The following PSD3 variants were observed in gnomAD, a reference collection of about 807,000 sequenced individuals.
PSD3 encodes pleckstrin and Sec7 domain containing 3, also known as PH and SEC7 domain-containing protein 3.
PSD3 carries 49 observed loss-of-function variants against 105.5 expected under a neutral mutation model. That is an observed-to-expected ratio of 0.46 (90% CI 0.37 to 0.59). PSD3 has a LOEUF of 0.59. Among genes scored for constraint, PSD3 ranks in the 20% least tolerant of loss-of-function variants. PSD3 has a pLI of 0.00. For missense variants in PSD3, 1,561 were observed against 1,263.8 expected, an observed-to-expected ratio of 1.24 and a Z score of -3.57; for synonymous variants, 557 against 457.8, an observed-to-expected ratio of 1.22 and a Z score of -2.77.
rs924513446 is a variant in PSD3, at chr8:18,636,728, T to C, written c.2217-3922A>G. ...TTACTGTTTGTTTTCTGTTTAGATA[T>C]ACAAATACCATTGTGTTACTACTGC... On this transcript the variant is annotated intron_variant, in intron 10 of 15. Transcript: ENST00000327040. Among the ~76,000 whole-genome samples the C allele has an allele frequency of 2.0e-5, 3 of 152,250 alleles. No individual in the cohort carries two copies. In the East Asian group the frequency reaches 5.8e-4, roughly 29 times the overall value.
chr8:18,723,591 AC>A (rs1803146439), intron 9 of PSD3, among the ~76,000 whole-genome samples: 1 of 152,154 alleles, frequency 6.6e-6, no homozygotes, highest in African/African-American at 2.4e-5. Flanking sequence ...GGGGAAAAAA[AC>A]CCTGTTCCTT....
Position 18,899,451 on chromosome 8 carries a change from G to A in PSD3, c.131-26718C>T, listed in dbSNP as rs546407354. 2.6e-5 allele frequency among the ~76,000 whole-genome samples: 4 copies of A among 152,250 alleles called. 1 individual carries two copies. The highest frequency in any genetic ancestry group is 6.8e-3 in the Middle Eastern group (2 of 294). Reference sequence around the variant, plus strand: ...CTTTAACAATGGAATCTTCAACGATGCAATCTTCCAGACTTTCATGATGTT... The same window carrying A: ...CTTTAACAATGGAATCTTCAACGATACAATCTTCCAGACTTTCATGATGTT... On this transcript the variant is annotated intron_variant, in intron 2 of 15. Transcript: ENST00000327040.
chr8:19,033,566 T>G lies in PSD3; in HGVS notation c.324+50640A>C, dbSNP rs375587997. 7.4e-5 allele frequency among the ~76,000 whole-genome samples: 6 copies of G among 81,464 alleles called. No homozygotes were observed. In the East Asian group the frequency reaches 2.8e-3, roughly 38 times the overall value. The allele number at this position is 81,464 out of a possible 152,430, so 53.4% of individuals were successfully genotyped here. A position where few individuals can be genotyped will look rare whatever the true frequency, so the allele number is the denominator to read the frequency against. Reference sequence around the variant, plus strand: ...TTTTTTTTTCTTTTTTTAAAATCTGTTTTTTTTTCTTTCCTTGTACCATTT... The same window carrying G: ...TTTTTTTTTCTTTTTTTAAAATCTGGTTTTTTTTCTTTCCTTGTACCATTT... On this transcript the variant is annotated intron_variant, in intron 1 of 1. Coordinates refer to the PSD3 transcript ENST00000521475.
intron 15 of PSD3, among the ~76,000 whole-genome samples, chr8:18,549,371 G>A (rs778993620): frequency 6.6e-6 from 1 of 151,902 alleles, no homozygotes; most frequent in Admixed American, 6.6e-5. Flanking sequence ...AACAGAGATG[G>A]GGTTTCTTTG....
intron 1 of PSD3, among the ~76,000 whole-genome samples, chr8:18,944,841 T>C (rs1822762109): frequency 6.6e-6 from 1 of 152,214 alleles, no homozygotes; most frequent in South Asian, 2.1e-4. Context: ...CTGTGTCTTT[T>C]GACCTGTCCC....
chr8:18,897,665 C>T (rs1819240181), intron 2 of PSD3, among the ~76,000 whole-genome samples: 1 of 152,182 alleles, frequency 6.6e-6, no homozygotes, highest in Non-Finnish European at 1.5e-5. Context: ...TTGCATATGC[C>T]TGCTGCAATT....
intron 1 of PSD3, among the ~76,000 whole-genome samples, chr8:19,037,513 G>C (rs892337654): frequency 2.0e-5 from 3 of 152,202 alleles, no homozygotes; most frequent in African/African-American, 7.2e-5. Context: ...AATTATTTCT[G>C]GGTGTCTGTG....
intron 9 of PSD3, among the ~76,000 whole-genome samples, chr8:18,697,788 T>C (rs1801341100): frequency 6.6e-6 from 1 of 152,192 alleles, no homozygotes; most frequent in Admixed American, 6.5e-5. Flanking sequence ...CTCCAGTTCC[T>C]TCTGGCATCA....
chr8:18,672,024 C>G (rs1484605950), intron 9 of PSD3, among the ~76,000 whole-genome samples: 2 of 152,124 alleles, frequency 1.3e-5, no homozygotes, highest in Non-Finnish European at 1.5e-5. Flanking sequence ...TAAACCATAT[C>G]AGTGAAAAAC....
At chr8:18,686,053 A>C (rs1800645939) in intron 9 of PSD3, among the ~76,000 whole-genome samples, 1 of 152,140 alleles carries the variant, frequency 6.6e-6, no homozygotes, top group South Asian at 2.1e-4. Context: ...CAACAACAAC[A>C]ACAAAAACTA....
rs1799775065 is a variant in PSD3, at chr8:18,534,921, T to G, written c.*822A>C. On this transcript the variant is annotated 3_prime_UTR_variant, in exon 16 of 16. Transcript: ENST00000327040. ...TAGTCTAGACCCTGTGGGAGTGAGG[T>G]AACAATTCCTGCAGACTGAGCACAT... 1 of 152,550 alleles carries G rather than the reference T, an allele frequency of 6.6e-6. No individual in the cohort carries two copies. Among genetic ancestry groups the G allele is most frequent in the Non-Finnish European group, 1.5e-5 (1 of 68,036 alleles). The allele number at this position is 152,550 out of a possible 1,614,324, so 9.4% of individuals were successfully genotyped here. A position where few individuals can be genotyped will look rare whatever the true frequency, so the allele number is the denominator to read the frequency against.
At chr8:19,059,442 T>C (rs1469427096) in intron 1 of PSD3, among the ~76,000 whole-genome samples, 1 of 152,186 alleles carries the variant, frequency 6.6e-6, no homozygotes, top group Non-Finnish European at 1.5e-5. Context: ...AAACACACTA[T>C]TTCCAGCAGC....
At position 18,558,092 on chromosome 8, in the gene PSD3, G is replaced by A. The variant is rs532842646; in HGVS notation, c.2785-1740C>T. Among the ~76,000 whole-genome samples, 4 of 152,342 alleles carry A rather than the reference G, an allele frequency of 2.6e-5. No individual in the cohort carries two copies. The South Asian group carries it at 8.3e-4, about 32-fold the overall frequency. On this transcript the variant is annotated intron_variant, in intron 14 of 15. Coordinates refer to ENST00000327040, the MANE Select transcript of PSD3 (RefSeq NM_015310.4). ...CCCTCACCAGACACCAACTCTGCTG[G>A]CACCTTGATCTTGGATTTCCCATCT... is the stretch of plus-strand genomic sequence containing the variant.
intron 2 of PSD3, among the ~76,000 whole-genome samples, chr8:18,891,897 T>C (rs1240260620): frequency 6.6e-6 from 1 of 152,210 alleles, no homozygotes; most frequent in Non-Finnish European, 1.5e-5. Flanking sequence ...TTGGGATATA[T>C]TGAGTATTCA....
chr8:18,818,039 T>C lies in PSD3; in HGVS notation c.1635-13141A>G, dbSNP rs112614936. 1.7e-3 allele frequency among the ~76,000 whole-genome samples: 264 copies of C among 152,278 alleles called. 1 individual carries two copies. The highest frequency in any genetic ancestry group is 2.6e-3 in the Admixed American group (40 of 15,296). ...CGCGATCTCGGCTCACTGCAACCTC[T>C]GCCTCCCCGGTTCAAGCGATTCTCC... On this transcript the variant is annotated intron_variant, in intron 4 of 15. Coordinates refer to ENST00000327040, the MANE Select transcript of PSD3 (RefSeq NM_015310.4).
chr8:18,793,388 C>G, intron 8 of PSD3, among the ~76,000 whole-genome samples: 1 of 115,434 alleles, frequency 8.7e-6, no homozygotes, highest in Non-Finnish European at 2.0e-5. Context: ...AAAAACAAAA[C>G]AAAACTGGGT....
intron 2 of PSD3, among the ~76,000 whole-genome samples, chr8:18,931,585 C>G (rs1821750982): frequency 6.6e-6 from 1 of 152,196 alleles, no homozygotes; most frequent in Non-Finnish European, 1.5e-5. Context: ...TACACAATCA[C>G]TCTAGAACCT....
At chr8:19,012,900 G>T (rs987370365) in intron 1 of PSD3, among the ~76,000 whole-genome samples, 3 of 152,078 alleles carry the variant, frequency 2.0e-5, no homozygotes, top group African/African-American at 7.2e-5. Context: ...CCTCTGCCTA[G>T]TGGGCGTTTA....
At chr8:18,661,074 T>C (rs1212783674) in intron 9 of PSD3, among the ~76,000 whole-genome samples, 1 of 152,202 alleles carries the variant, frequency 6.6e-6, no homozygotes, top group African/African-American at 2.4e-5. Flanking sequence ...TACATTACCA[T>C]GCATTGTGTA....
Sources: gnomAD v4.1 joint callset for allele counts (sites outside exome capture counted in the v4.1 genomes callset) on GRCh38, gnomAD v4.1.1 for gene constraint, MANE v1.5 for transcripts, NCBI Gene and HGNC (gene_info 2026-07-23, HGNC 2026-07-21) for gene names.